ADK: variants seen among roughly 807,000 people sequenced by gnomAD.
ADK encodes the protein adenosine kinase.
In ADK, 24 loss-of-function variants were observed where a neutral mutation model predicts 44.7. The ratio of observed to expected loss-of-function variants is 0.54; its 90% CI spans 0.39 to 0.76. ADK has a LOEUF of 0.76. Ranked by LOEUF, ADK falls within the 30% of genes least tolerant of loss-of-function variation. The probability of loss-of-function intolerance (pLI) is 0.00; values close to 1 mark genes in which losing one functional copy is unlikely to be tolerated. For missense variants in ADK, 321 were observed against 425.1 expected (o/e 0.76, Z 2.15); for synonymous variants, 128 against 142.6 (o/e 0.90, Z 0.73).
At position 74,201,644 on chromosome 10, in the gene ADK, A is replaced by ATATGTATG. The variant is rs10630238; in HGVS notation, c.140+834_140+841dup. On this transcript the variant is annotated intron_variant, in intron 2 of 10. Coordinates refer to ENST00000539909, the MANE Select transcript of ADK (RefSeq NM_006721.4). ...TGTGTGTGTGTTTGTGTGTGTGTGT[A>ATATGTATG]TATGTATGTATGTATGTATGTATGT... Among the ~76,000 whole-genome samples, 158 of 89,596 alleles carry ATATGTATG rather than the reference A, an allele frequency of 1.8e-3. 1 individual carries two copies. Among genetic ancestry groups the ATATGTATG allele is most frequent in the African/African-American group, 4.9e-3 (146 of 29,798 alleles). The allele number at this position is 89,596 out of a possible 152,430, so 58.8% of individuals were successfully genotyped here.
chr10:74,695,622 GTGTGTGTGT>G (rs1564856910), intron 10 of ADK, among the ~76,000 whole-genome samples: 4 of 39,828 alleles, frequency 1.0e-4, no homozygotes, highest in Admixed American at 4.3e-4. Context: ...TGTGTGGGGT[GTGTGTGTGT>G]GTGTGTGTGT....
intron 7 of ADK, among the ~76,000 whole-genome samples, chr10:74,565,398 T>C (rs961506990): frequency 2.0e-5 from 3 of 152,180 alleles, no homozygotes; most frequent in African/African-American, 7.2e-5. Flanking sequence ...CTTATGATTT[T>C]TAAACAAGTT....
intron 9 of ADK, among the ~76,000 whole-genome samples, chr10:74,665,946 T>A (rs1012480582): frequency 6.6e-6 from 1 of 152,248 alleles, no homozygotes; most frequent in Non-Finnish European, 1.5e-5. Flanking sequence ...TGTGGCATTT[T>A]AAAAATTCTT....
chr10:74,263,646 A>G (rs1347712762), intron 3 of ADK, among the ~76,000 whole-genome samples: 1 of 152,236 alleles, frequency 6.6e-6, no homozygotes, highest in East Asian at 1.9e-4. Context: ...TCTTATTTCA[A>G]AGTTCACTGG....
chr10:74,269,474 A>G (rs1170715253), intron 3 of ADK, among the ~76,000 whole-genome samples: 1 of 152,198 alleles, frequency 6.6e-6, no homozygotes. Flanking sequence ...AATTTTCACC[A>G]TATTTTATAG....
intron 3 of ADK, among the ~76,000 whole-genome samples, chr10:74,237,579 G>A (rs1362753967): frequency 6.6e-6 from 1 of 152,136 alleles, no homozygotes; most frequent in African/African-American, 2.4e-5. Flanking sequence ...GTTGCAGGAG[G>A]TTTTCATTTT....
chr10:74,460,488 C>T (rs1846135473), intron 6 of ADK, among the ~76,000 whole-genome samples: 1 of 152,092 alleles, frequency 6.6e-6, no homozygotes. Flanking sequence ...AAAAGATTGT[C>T]ATTTTTCAGG....
At chr10:74,638,863 G>A (rs1434932525) in intron 9 of ADK, among the ~76,000 whole-genome samples, 2 of 152,058 alleles carry the variant, frequency 1.3e-5, no homozygotes, top group African/African-American at 2.4e-5. Flanking sequence ...GGAGTACAGT[G>A]GCACAATTAC....
intron 2 of ADK, among the ~76,000 whole-genome samples, chr10:74,205,744 C>G (rs974807293): frequency 6.7e-6 from 1 of 149,306 alleles, no homozygotes; most frequent in Non-Finnish European, 1.5e-5. Context: ...ACATAACAGT[C>G]TAAGAAAACT....
chr10:74,230,086 G>A (rs1844699940), intron 3 of ADK, among the ~76,000 whole-genome samples: 1 of 146,298 alleles, frequency 6.8e-6, no homozygotes, highest in African/African-American at 2.5e-5. Context: ...GCTAAGAACT[G>A]GATATCTGTA....
intron 3 of ADK, among the ~76,000 whole-genome samples, chr10:74,253,133 A>G (rs1414252865): frequency 1.3e-5 from 2 of 152,242 alleles, no homozygotes; most frequent in South Asian, 2.1e-4. Context: ...CCAGAAAAGA[A>G]TTCAAGGGCA....
chr10:74,337,005 A>G (rs1841431865), intron 4 of ADK, among the ~76,000 whole-genome samples: 1 of 152,130 alleles, frequency 6.6e-6, no homozygotes, highest in African/African-American at 2.4e-5. Context: ...GCCTATATAT[A>G]TGTCTTATTT....
intron 6 of ADK, among the ~76,000 whole-genome samples, chr10:74,455,455 A>T (rs1253046815): frequency 6.6e-6 from 1 of 152,166 alleles, no homozygotes; most frequent in Non-Finnish European, 1.5e-5. Flanking sequence ...AAAGGATTTT[A>T]TATCCCCTTG....
chr10:74,655,688 C>A, intron 9 of ADK: 1 of 473,488 alleles, frequency 2.1e-6, no homozygotes, highest in Admixed American at 2.6e-5. Context: ...AGGACATATC[C>A]GTGGCAGAGC....
At chr10:74,197,682 A>G (rs1295214417) in intron 1 of ADK, among the ~76,000 whole-genome samples, 1 of 138,868 alleles carries the variant, frequency 7.2e-6, no homozygotes, top group Non-Finnish European at 1.5e-5. Context: ...TGGGTGACAG[A>G]GAGAGACTCC....
rs10670267 is a variant in ADK at position 74,671,038 on chromosome 10, T to TAAAAAAA, written c.964+781_964+787dup. ...AACATCAAGCCAGACCAGGTTAATTTAAAAAAAAAAAAAAAAAAGCAAGCA... is the reference window on the plus strand; with the variant it reads ...AACATCAAGCCAGACCAGGTTAATTTAAAAAAAAAAAAAAAAAAAAAAAAAGCAAGCA... On this transcript the variant is annotated intron_variant, in intron 10 of 10. Transcript: ENST00000539909. Among the ~76,000 whole-genome samples the TAAAAAAA allele has an allele frequency of 2.4e-3, 233 of 99,104 alleles. 19 individuals carry two copies. Among genetic ancestry groups the TAAAAAAA allele is most frequent in the African/African-American group, 7.3e-3 (182 of 25,094 alleles). 65.0% of individuals were successfully genotyped at this position (99,104 alleles called of 152,430 possible). A position where few individuals can be genotyped will look rare whatever the true frequency, so the allele number is the denominator to read the frequency against.
chr10:74,234,627 G>C (rs1420473941), intron 3 of ADK, among the ~76,000 whole-genome samples: 1 of 152,078 alleles, frequency 6.6e-6, no homozygotes, highest in Non-Finnish European at 1.5e-5. Context: ...GTTTTATTTT[G>C]AGTTGGCTAA....
chr10:74,544,297 C>G (rs899183229), intron 7 of ADK, among the ~76,000 whole-genome samples: 4 of 152,194 alleles, frequency 2.6e-5, no homozygotes, highest in Non-Finnish European at 5.9e-5. Context: ...CTGGTGACCA[C>G]TTCCCATCCT....
At chr10:74,291,072 G>A (rs1164798690) in intron 3 of ADK, among the ~76,000 whole-genome samples, 9 of 152,086 alleles carry the variant, frequency 5.9e-5, no homozygotes, top group Admixed American at 2.6e-4. Flanking sequence ...TGTAAAATAC[G>A]TACTAAAGAA....
Sources: gnomAD v4.1 joint callset for allele counts (sites outside exome capture counted in the v4.1 genomes callset) on GRCh38, gnomAD v4.1.1 for gene constraint, MANE v1.5 for transcripts, NCBI Gene and HGNC (gene_info 2026-07-23, HGNC 2026-07-21) for gene names.